The following DLG2 variants were observed in gnomAD, a reference collection of about 807,000 sequenced individuals.
DLG2 encodes the protein discs large MAGUK scaffold protein 2.
DLG2 carries 45 observed loss-of-function variants against 132.5 expected under a neutral mutation model. That is an observed-to-expected ratio of 0.34 (90% CI 0.27 to 0.44). The LOEUF is 0.44. DLG2 is among the 20% of genes least tolerant of loss of function. The pLI is 1.00. For missense variants in DLG2, 1,045 were observed against 1,196.9 expected (o/e 0.87, Z 1.87); for synonymous variants, 424 against 419.6 (o/e 1.01, Z -0.13).
intron 3 of DLG2, among the ~76,000 whole-genome samples, chr11:85,319,751 C>T (rs371388909): frequency 1.6e-4 from 24 of 151,796 alleles, no homozygotes; most frequent in Admixed American, 8.5e-4. Flanking sequence ...ATATTCAACA[C>T]AGTATAACTT....
intron 4 of DLG2, among the ~76,000 whole-genome samples, chr11:85,235,362 TC>T (rs2075530667): frequency 6.6e-6 from 1 of 151,964 alleles, no homozygotes; most frequent in Admixed American, 6.6e-5. Context: ...CTTTCATCCA[TC>T]CTTTCATTCA....
intron 3 of DLG2, among the ~76,000 whole-genome samples, chr11:85,350,532 A>G (rs1002465348): frequency 6.6e-6 from 1 of 152,142 alleles, no homozygotes; most frequent in Non-Finnish European, 1.5e-5. Context: ...TAGGGTTTTT[A>G]TGGTTTTAGG....
chr11:85,509,189 C>T (rs945816193), intron 3 of DLG2, among the ~76,000 whole-genome samples: 1 of 151,324 alleles, frequency 6.6e-6, no homozygotes, highest in East Asian at 2.0e-4. Context: ...AATCCCATGC[C>T]TATCTACACC....
chr11:83,879,706 A>G (rs2065672737), intron 15 of DLG2, among the ~76,000 whole-genome samples: 1 of 152,286 alleles, frequency 6.6e-6, no homozygotes, highest in Admixed American at 6.5e-5. Context: ...AATTACTTAT[A>G]TGTTGTAGTT....
At chr11:85,029,515 T>C (rs2060832335) in intron 6 of DLG2, among the ~76,000 whole-genome samples, 2 of 152,228 alleles carry the variant, frequency 1.3e-5, no homozygotes, top group Admixed American at 6.5e-5. Flanking sequence ...TGCCTAAATA[T>C]ATAATTGAGA....
chr11:83,728,927 T>C (rs1455521797), intron 18 of DLG2, among the ~76,000 whole-genome samples: 1 of 152,254 alleles, frequency 6.6e-6, no homozygotes, highest in East Asian at 1.9e-4. Context: ...TGGTAGAATA[T>C]TGTTGTCCTG....
intron 4 of DLG2, among the ~76,000 whole-genome samples, chr11:85,249,235 C>T (rs1008063987): frequency 6.6e-5 from 10 of 151,796 alleles, no homozygotes; most frequent in Non-Finnish European, 5.9e-5. Flanking sequence ...GTAAATTTGC[C>T]ATTAGATTGG....
chr11:84,613,524 T>G (rs770981572), intron 6 of DLG2, among the ~76,000 whole-genome samples: 1 of 152,210 alleles, frequency 6.6e-6, no homozygotes, highest in Non-Finnish European at 1.5e-5. Flanking sequence ...TTAAAATAAT[T>G]TATTTTGCTG....
intron 5 of DLG2, among the ~76,000 whole-genome samples, chr11:85,141,042 T>A (rs995926928): frequency 1.3e-5 from 2 of 151,910 alleles, no homozygotes; most frequent in South Asian, 4.1e-4. Flanking sequence ...AGTGTAGGTA[T>A]CTCTTCAATA....
At chr11:84,638,422 T>C (rs1211959617) in intron 6 of DLG2, among the ~76,000 whole-genome samples, 1 of 152,194 alleles carries the variant, frequency 6.6e-6, no homozygotes, top group Non-Finnish European at 1.5e-5. Flanking sequence ...TTACATCCCA[T>C]GGCAACCTAA....
At chr11:85,198,918 T>C (rs1595309298) in intron 4 of DLG2, among the ~76,000 whole-genome samples, 1 of 152,154 alleles carries the variant, frequency 6.6e-6, no homozygotes. Context: ...CTGCCAAAAG[T>C]TCCTCTGTTA....
intron 18 of DLG2, among the ~76,000 whole-genome samples, chr11:83,672,342 T>A (rs2076975003): frequency 6.6e-6 from 1 of 152,022 alleles, no homozygotes; most frequent in South Asian, 2.1e-4. Context: ...CACGCCCGGC[T>A]AATTTTGTAC....
intron 19 of DLG2, among the ~76,000 whole-genome samples, chr11:83,619,651 G>C (rs1269801566): frequency 2.0e-5 from 3 of 152,134 alleles, no homozygotes; most frequent in Non-Finnish European, 2.9e-5. Flanking sequence ...AAGAGGATTT[G>C]AGTGTGTTGT....
chr11:83,877,767 G>A (rs564698087), intron 15 of DLG2, among the ~76,000 whole-genome samples: 1 of 152,194 alleles, frequency 6.6e-6, no homozygotes, highest in Non-Finnish European at 1.5e-5. Flanking sequence ...CAAGACCTGT[G>A]GACACAAATG....
intron 3 of DLG2, among the ~76,000 whole-genome samples, chr11:85,514,361 G>A (rs1370003716): frequency 6.6e-6 from 1 of 151,994 alleles, no homozygotes. Flanking sequence ...CAGAGAATAT[G>A]CCAACTGGCA....
intron 4 of DLG2, among the ~76,000 whole-genome samples, chr11:85,266,376 G>A (rs147601089): frequency 2.4e-4 from 36 of 152,272 alleles, no homozygotes; most frequent in East Asian, 5.8e-4. Context: ...ACCAAACACC[G>A]CATGTTCTCG....
intron 14 of DLG2, among the ~76,000 whole-genome samples, chr11:83,934,962 A>G (rs987048322): frequency 2.6e-5 from 4 of 152,152 alleles, no homozygotes; most frequent in Non-Finnish European, 4.4e-5. Flanking sequence ...AAAAAGATGG[A>G]TTTGGGTCAT....
At chr11:84,449,861 A>G (rs1460011882) in intron 7 of DLG2, among the ~76,000 whole-genome samples, 2 of 151,938 alleles carry the variant, frequency 1.3e-5, no homozygotes, top group African/African-American at 4.8e-5. Flanking sequence ...TCACATTAAG[A>G]AGTAAAATAA....
intron 21 of DLG2, among the ~76,000 whole-genome samples, chr11:83,507,786 A>ATATG (rs2094804687): frequency 1.6e-5 from 2 of 126,212 alleles, no homozygotes; most frequent in Non-Finnish European, 3.2e-5. Flanking sequence ...ATATATATAT[A>ATATG]TATATATATA....
Sources: allele counts gnomAD v4.1 joint callset (sites outside exome capture counted in the v4.1 genomes callset), GRCh38; gene constraint gnomAD v4.1.1; transcripts MANE v1.5; gene names NCBI Gene and HGNC (gene_info 2026-07-23, HGNC 2026-07-21).